Variants in ADAMTSL1 observed in about 807,000 individuals in gnomAD.
ADAMTSL1 encodes the protein ADAMTS like 1.
In ADAMTSL1, 126 loss-of-function variants were observed where a neutral mutation model predicts 201.8. The ratio of observed to expected loss-of-function variants is 0.62; its 90% CI spans 0.54 to 0.72. The LOEUF is 0.72. ADAMTSL1 is among the 30% of genes least tolerant of loss of function. The pLI is 0.00. For synonymous variants in ADAMTSL1, 1,121 were observed against 903.4 expected, an observed-to-expected ratio of 1.24 and a Z score of -4.32; for missense variants, 2,679 against 2,277.8, an observed-to-expected ratio of 1.18 and a Z score of -3.59.
intron 1 of ADAMTSL1, among the ~76,000 whole-genome samples, chr9:18,119,615 C>T (rs1396589974): frequency 6.6e-6 from 1 of 152,050 alleles, no homozygotes; most frequent in Admixed American, 6.6e-5. Flanking sequence ...TGCTTTCCTT[C>T]TTTAGTATGA....
At chr9:18,562,061 A>T (rs572382535) in intron 3 of ADAMTSL1, among the ~76,000 whole-genome samples, 1 of 152,166 alleles carries the variant, frequency 6.6e-6, no homozygotes, top group Non-Finnish European at 1.5e-5. Context: ...TGATCCTGTC[A>T]TTATGATGCC....
chr9:18,517,874 A>C (rs1210635951), intron 2 of ADAMTSL1, among the ~76,000 whole-genome samples: 2 of 152,176 alleles, frequency 1.3e-5, no homozygotes, highest in Admixed American at 1.3e-4. Flanking sequence ...GACAGATTTT[A>C]ATCAGGTTTC....
At chr9:18,404,204 A>T (rs1185875410) in intron 2 of ADAMTSL1, among the ~76,000 whole-genome samples, 1 of 152,152 alleles carries the variant, frequency 6.6e-6, no homozygotes, top group African/African-American at 2.4e-5. Flanking sequence ...TGATAAGTTT[A>T]TGCTTTTTTA....
At chr9:18,450,294 A>G (rs1179391425) in intron 2 of ADAMTSL1, among the ~76,000 whole-genome samples, 1 of 152,174 alleles carries the variant, frequency 6.6e-6, no homozygotes, top group Non-Finnish European at 1.5e-5. Flanking sequence ...GATTGTATAC[A>G]TTTGTCAAAA....
chr9:18,246,665 C>T (rs1160017635), intron 2 of ADAMTSL1, among the ~76,000 whole-genome samples: 1 of 152,112 alleles, frequency 6.6e-6, no homozygotes, highest in Non-Finnish European at 1.5e-5. Context: ...AAATTACTCA[C>T]CAGAAATTTC....
chr9:18,061,493 T>C (rs184806378), intron 1 of ADAMTSL1, among the ~76,000 whole-genome samples: 6 of 152,302 alleles, frequency 3.9e-5, no homozygotes, highest in Non-Finnish European at 8.8e-5. Context: ...ATATATGAGA[T>C]TGCCCTCATA....
chr9:17,972,822 C>T (rs1588501777), intron 1 of ADAMTSL1, among the ~76,000 whole-genome samples: 1 of 141,272 alleles, frequency 7.1e-6, no homozygotes, highest in Admixed American at 7.4e-5. Context: ...CTCTCCAGCA[C>T]CTGTTGTTTC....
At position 18,777,872 on chromosome 9, in the gene ADAMTSL1, G is replaced by T. The variant is rs528378430; in HGVS notation, c.3643G>T (p.Ala1215Ser). The T allele has an allele frequency of 2.6e-6, 4 of 1,563,232 alleles. No homozygotes were observed. In the African/African-American group the frequency reaches 5.4e-5, roughly 21 times the overall value. Residue 1215 changes from alanine (A) to serine (S), a missense_variant, in exon 19 of 29, where the codon GCC becomes TCC. Physicochemically the swap from Ala to Ser is moderately conservative, Grantham distance 99. Coordinates refer to ENST00000380548, the MANE Select transcript of ADAMTSL1 (RefSeq NM_001040272.6). ...IGHPRPTISWARNGEEVQFSD... is the reference protein window; with the variant it reads ...IGHPRPTISWSRNGEEVQFSD... ...CCACCCAAGGCCTACCATCAGCTGG[G>T]CCAGGAATGGAGAAGAAGTTCAGTT...
At chr9:18,554,959 A>G (rs1821019635) in intron 3 of ADAMTSL1, among the ~76,000 whole-genome samples, 1 of 151,832 alleles carries the variant, frequency 6.6e-6, no homozygotes, top group African/African-American at 2.4e-5. Context: ...AGGAACATAT[A>G]TCCACCTCTG....
chr9:18,818,075 T>G (rs911940429), intron 21 of ADAMTSL1, among the ~76,000 whole-genome samples: 4 of 152,128 alleles, frequency 2.6e-5, no homozygotes, highest in Admixed American at 6.5e-5. Flanking sequence ...AGAAAACACC[T>G]ACATATAGCA....
At chr9:18,829,529 A>G (rs935385821) in intron 22 of ADAMTSL1, among the ~76,000 whole-genome samples, 1 of 152,186 alleles carries the variant, frequency 6.6e-6, no homozygotes, top group African/African-American at 2.4e-5. Context: ...AAGTGTCTTT[A>G]TGATATAGTT....
At chr9:18,672,166 T>G (rs1829859233) in intron 9 of ADAMTSL1, among the ~76,000 whole-genome samples, 3 of 151,476 alleles carry the variant, frequency 2.0e-5, no homozygotes, top group Non-Finnish European at 4.4e-5. Flanking sequence ...AACTGAGCAG[T>G]GTGAGCCCAA....
At chr9:18,164,406 G>T (rs191147658) in intron 2 of ADAMTSL1, among the ~76,000 whole-genome samples, 2 of 151,814 alleles carry the variant, frequency 1.3e-5, no homozygotes, top group Non-Finnish European at 2.9e-5. Context: ...TTACTTCAAA[G>T]TGCTAGTGAT....
At chr9:18,864,679 G>T (rs761753684) in intron 23 of ADAMTSL1, among the ~76,000 whole-genome samples, 1 of 152,154 alleles carries the variant, frequency 6.6e-6, no homozygotes, top group African/African-American at 2.4e-5. Flanking sequence ...TCCAACTCAG[G>T]CTGTTTCCCT....
intron 2 of ADAMTSL1, among the ~76,000 whole-genome samples, chr9:18,313,439 G>C (rs182140525): frequency 1.3e-5 from 2 of 152,054 alleles, no homozygotes; most frequent in African/African-American, 4.8e-5. Context: ...TCTTAACTTT[G>C]GACACACATT....
intron 1 of ADAMTSL1, among the ~76,000 whole-genome samples, chr9:17,995,459 T>C (rs868767433): frequency 2.0e-5 from 3 of 152,246 alleles, no homozygotes; most frequent in African/African-American, 7.2e-5. Flanking sequence ...TATAATGAAC[T>C]GAAAGACTTA....
intron 20 of ADAMTSL1, among the ~76,000 whole-genome samples, chr9:18,815,103 T>C (rs1362938279): frequency 3.3e-5 from 5 of 152,308 alleles, no homozygotes; most frequent in African/African-American, 1.2e-4. Flanking sequence ...TTATACATTG[T>C]TAATGGGAAT....
chr9:18,161,109 G>A (rs1457890231), intron 1 of ADAMTSL1, among the ~76,000 whole-genome samples: 1 of 151,844 alleles, frequency 6.6e-6, no homozygotes. Flanking sequence ...CATTTCTTGG[G>A]AAATACAAGC....
intron 2 of ADAMTSL1, among the ~76,000 whole-genome samples, chr9:18,418,353 A>T (rs1678986628): frequency 1.3e-5 from 2 of 152,302 alleles, no homozygotes; most frequent in Middle Eastern, 6.8e-3. Context: ...TTGTACTGGG[A>T]GTCCTAGCCA....
Sources: gnomAD v4.1 joint callset for allele counts (sites outside exome capture counted in the v4.1 genomes callset) on GRCh38, gnomAD v4.1.1 for gene constraint, MANE v1.5 for transcripts, NCBI Gene and HGNC (gene_info 2026-07-23, HGNC 2026-07-21) for gene names.